The following AQR variants were observed in gnomAD, a reference collection of about 807,000 sequenced individuals.
AQR encodes RNA helicase aquarius.
AQR carries 61 observed loss-of-function variants against 180.5 expected under a neutral mutation model. The observed-to-expected ratio is 0.34, with a 90% CI of 0.28 to 0.42. The LOEUF (loss-of-function observed/expected upper bound fraction) is 0.42, where lower values mean the gene tolerates loss of function less well. Among genes scored for constraint, AQR ranks in the 10% least tolerant of loss-of-function variants. The pLI, the probability that AQR is intolerant of heterozygous loss-of-function variation, is 1.00. For synonymous variants in AQR, 551 were observed against 588.8 expected (o/e 0.94, Z 0.93); for missense variants, 1,281 against 1,798.3 (o/e 0.71, Z 5.20).
intron 13 of AQR, among the ~76,000 whole-genome samples, chr15:34,925,739 A>G (rs1415058819): frequency 6.6e-6 from 1 of 152,070 alleles, no homozygotes. Context: ...AGGCTGACGC[A>G]GGAGAATCAC....
chr15:34,900,887 G>C, intron 19 of AQR, 24 bp from the exon 20 acceptor site: 1 of 1,562,918 alleles, frequency 6.4e-7, no homozygotes, highest in Non-Finnish European at 8.7e-7. Flanking sequence ...GACAGAAAAA[G>C]ATTGTGTCAG....
At position 34,852,206 on chromosome 15, in the gene AQR, C is replaced by T. The variant is rs184535317; in HGVS notation, c.*4586G>A. ...TTTTTTTTTTGAAGGAGTTTTTGCTCGTCGCCCAGGCTGGAGTACAGTGGC... is the reference window on the plus strand; with the variant it reads ...TTTTTTTTTTGAAGGAGTTTTTGCTTGTCGCCCAGGCTGGAGTACAGTGGC... On this transcript the variant is annotated 3_prime_UTR_variant, in exon 35 of 35. Coordinates refer to ENST00000156471, the MANE Select transcript of AQR (RefSeq NM_014691.3). The T allele has an allele frequency of 2.1e-5, 3 of 146,032 alleles. No individual in the cohort carries two copies. The highest frequency in any genetic ancestry group is 5.1e-5 in the African/African-American group (2 of 39,272). 9.0% of individuals were successfully genotyped at this position (146,032 alleles called of 1,614,324 possible).
intron 1 of AQR, among the ~76,000 whole-genome samples, chr15:34,968,614 A>G (rs1217568231): frequency 6.6e-6 from 1 of 152,208 alleles, no homozygotes; most frequent in African/African-American, 2.4e-5. Flanking sequence ...CTTGTATGAA[A>G]TCACTCGGAA....
intron 28 of AQR, among the ~76,000 whole-genome samples, chr15:34,875,069 G>T (rs1176965269): frequency 3.3e-5 from 5 of 152,210 alleles, no homozygotes; most frequent in Non-Finnish European, 5.9e-5. Flanking sequence ...GTGACAGTGG[G>T]TGAGGGAGAA....
At chr15:34,956,981 A>AT (rs35660294) in intron 3 of AQR, among the ~76,000 whole-genome samples, 93,021 of 151,986 alleles carry the variant, frequency 0.61, 30,724 homozygotes, top group South Asian at 0.75. Context: ...ATTCATTAAG[A>AT]TAAGCCTGCC....
chr15:34,876,216 T>G (rs568801615), intron 27 of AQR, among the ~76,000 whole-genome samples: 2 of 152,208 alleles, frequency 1.3e-5, no homozygotes. Flanking sequence ...ATTCAAGTAT[T>G]TGACTTCAGG....
intron 6 of AQR, among the ~76,000 whole-genome samples, chr15:34,942,812 T>C (rs913721581): frequency 6.6e-6 from 1 of 152,234 alleles, no homozygotes; most frequent in Non-Finnish European, 1.5e-5. Context: ...TGGTTCAGCA[T>C]TAGCTCATTC....
chr15:34,917,259 C>A (rs867929456), intron 15 of AQR, among the ~76,000 whole-genome samples: 6 of 152,120 alleles, frequency 3.9e-5, no homozygotes, highest in African/African-American at 1.2e-4. Flanking sequence ...TTAGATTAAC[C>A]ATTTTAAGTA....
In AQR at chr15:34,910,249, A is replaced by G; in HGVS notation, c.1549T>C (p.Phe517Leu). The change falls in exon 17 of 35, where the codon TTC (phenylalanine) becomes CTC (leucine). Residue 517 changes from phenylalanine (F) to leucine (L), a missense_variant. Physicochemically the swap from Phe to Leu is conservative, Grantham distance 22. This residue lies in a region of AQR where 200 missense variants were observed against 293.4 expected (regional missense o/e 0.68). Transcript: ENST00000156471. The stretch of plus-strand genomic sequence containing the variant: ...GGTTTGGCCACTTCAACGACAGTGA[A>G]AGCCACAATGGGCTGGGCCATTCGC... ...WARMAQPIVA[F>L]TVVEVAKPNI... 3.7e-6 allele frequency: 6 copies of G among 1,614,224 alleles called. No individual in the cohort carries two copies. The highest frequency in any genetic ancestry group is 5.1e-6 in the Non-Finnish European group (6 of 1,180,040).
At chr15:34,888,374 T>C (rs1206124636) in intron 24 of AQR, among the ~76,000 whole-genome samples, 1 of 151,592 alleles carries the variant, frequency 6.6e-6, no homozygotes, top group Non-Finnish European at 1.5e-5. Flanking sequence ...TAGTACATTA[T>C]TACACTTAAA....
intron 9 of AQR, among the ~76,000 whole-genome samples, chr15:34,937,780 A>G (rs938796351): frequency 8.5e-5 from 13 of 152,158 alleles, no homozygotes; most frequent in Non-Finnish European, 1.8e-4. Flanking sequence ...GCTACTCAGG[A>G]GGCTGAGGCA....
At chr15:34,928,992 C>T (rs959159096) in intron 12 of AQR, among the ~76,000 whole-genome samples, 1 of 152,152 alleles carries the variant, frequency 6.6e-6, no homozygotes, top group Non-Finnish European at 1.5e-5. Flanking sequence ...TAAATGTCTT[C>T]CTTTGAGAAG....
chr15:34,908,349 T>C (rs574697217), intron 17 of AQR, among the ~76,000 whole-genome samples: 10 of 152,080 alleles, frequency 6.6e-5, no homozygotes, highest in South Asian at 2.1e-4. Context: ...AGGCAGAGAA[T>C]TGTTTGAACC....
chr15:34,897,627 T>C lies in AQR; in HGVS notation c.2322A>G (p.Ala774=). Residue 774 remains alanine (A), a synonymous_variant, in exon 21 of 35, where the codon GCA becomes GCG. Transcript: ENST00000156471. The stretch of plus-strand genomic sequence containing the variant: ...CATGGGGCTCAACAATTAAGGTTTT[T>C]GCTTCCTCGGTGTCTTCATCTTCCA... The part of the protein sequence containing the change: ...ADVEDEDTEE[A]KTLIVEPHVI... 1.2e-6 allele frequency: 2 copies of C among 1,614,136 alleles called. No homozygotes were observed. Among genetic ancestry groups the C allele is most frequent in the Non-Finnish European group, 1.7e-6 (2 of 1,179,992 alleles).
intron 32 of AQR, among the ~76,000 whole-genome samples, chr15:34,865,567 C>T (rs994072915): frequency 6.6e-6 from 1 of 152,100 alleles, no homozygotes; most frequent in African/African-American, 2.4e-5. Flanking sequence ...GGTCTACATC[C>T]AAGTGAAAGA....
At chr15:34,951,656 C>T (rs1012058813) in intron 4 of AQR, among the ~76,000 whole-genome samples, 29 of 140,964 alleles carry the variant, frequency 2.1e-4, no homozygotes, top group African/African-American at 7.8e-4. Context: ...GGCAACAGAG[C>T]GAGACTGTCT....
chr15:34,856,387 T>C lies in AQR; in HGVS notation c.*405A>G, dbSNP rs543668574. On this transcript the variant is annotated 3_prime_UTR_variant, in exon 35 of 35. Coordinates refer to ENST00000156471, the MANE Select transcript of AQR (RefSeq NM_014691.3). ...GAAACAGAATTTAAGCATTTGATAGTATAACAGAAGAAACAAGTTCCTTCC... is the reference window on the plus strand; with the variant it reads ...GAAACAGAATTTAAGCATTTGATAGCATAACAGAAGAAACAAGTTCCTTCC... The C allele has an allele frequency of 9.1e-5, 36 of 396,710 alleles. No homozygotes were observed. Among genetic ancestry groups the C allele is most frequent in the African/African-American group, 6.8e-4 (33 of 48,720 alleles). 24.6% of individuals were successfully genotyped at this position (396,710 alleles called of 1,614,324 possible).
chr15:34,915,673 C>A (rs558633244), intron 15 of AQR, among the ~76,000 whole-genome samples: 1 of 151,770 alleles, frequency 6.6e-6, no homozygotes, highest in Non-Finnish European at 1.5e-5. Flanking sequence ...AGGCCGGGCA[C>A]GGTGGCTCAC....
chr15:34,914,518 CAG>C (rs886327960), intron 16 of AQR, among the ~76,000 whole-genome samples: 1 of 152,142 alleles, frequency 6.6e-6, no homozygotes, highest in African/African-American at 2.4e-5. Flanking sequence ...GGTAGAGAGA[CAG>C]AGATTTTCTA....
Sources: gnomAD v4.1 joint callset for allele counts (sites outside exome capture counted in the v4.1 genomes callset) on GRCh38, gnomAD v4.1.1 for gene constraint, gnomAD v4.1.1 regional missense constraint, MANE v1.5 for transcripts, NCBI Gene and HGNC (gene_info 2026-07-23, HGNC 2026-07-21) for gene names.